The following CACUL1 variants were observed in gnomAD, a reference collection of about 807,000 sequenced individuals.
CACUL1 encodes the protein CDK2-associated and cullin domain-containing protein 1.
CACUL1 carries 13 observed loss-of-function variants against 45.2 expected under a neutral mutation model. The observed-to-expected ratio is 0.29, with a 90% CI of 0.19 to 0.46. The LOEUF is 0.46. Among genes scored for constraint, CACUL1 ranks in the 20% least tolerant of loss-of-function variants. The probability of loss-of-function intolerance (pLI) is 1.00; values close to 1 mark genes in which losing one functional copy is unlikely to be tolerated. For missense variants in CACUL1, 421 were observed against 471.4 expected (o/e 0.89, Z 0.99); for synonymous variants, 197 against 174.2 (o/e 1.13, Z -1.03).
At chr10:118,720,325 A>G (rs1845588213) in intron 3 of CACUL1, among the ~76,000 whole-genome samples, 1 of 152,310 alleles carries the variant, frequency 6.6e-6, no homozygotes, top group African/African-American at 2.4e-5. Flanking sequence ...AAGAAGCCAG[A>G]TACCCTAGGC....
At chr10:118,745,675 T>A (rs1845836880) in intron 1 of CACUL1, among the ~76,000 whole-genome samples, 1 of 152,174 alleles carries the variant, frequency 6.6e-6, no homozygotes, top group Non-Finnish European at 1.5e-5. Flanking sequence ...GTAACTACAT[T>A]AAACACAATG....
intron 7 of CACUL1, among the ~76,000 whole-genome samples, chr10:118,691,016 A>G (rs1208292729): frequency 6.6e-6 from 1 of 152,226 alleles, no homozygotes; most frequent in Non-Finnish European, 1.5e-5. Flanking sequence ...GTGCCACTGC[A>G]TTCCAGCCTA....
chr10:118,679,020 G>C lies in CACUL1; in HGVS notation c.*7108C>G, dbSNP rs1318390766. 6.6e-6 allele frequency: 1 copy of C among 152,020 alleles called. No homozygotes were observed. Among genetic ancestry groups the C allele is most frequent in the Non-Finnish European group, 1.5e-5 (1 of 68,008 alleles). The allele number at this position is 152,020 out of a possible 1,614,324, so 9.4% of individuals were successfully genotyped here. On this transcript the variant is annotated 3_prime_UTR_variant, in exon 9 of 9. Transcript: ENST00000369151. Reference sequence around the variant, plus strand: ...TGTAGTGTGTTCATTTTTCCTTTTTGTAGTTTTCTTTTAACTTTTTAAATA... The same window carrying C: ...TGTAGTGTGTTCATTTTTCCTTTTTCTAGTTTTCTTTTAACTTTTTAAATA...
intron 1 of CACUL1, among the ~76,000 whole-genome samples, chr10:118,736,709 T>A (rs1845743829): frequency 6.6e-6 from 1 of 152,134 alleles, no homozygotes; most frequent in South Asian, 2.1e-4. Flanking sequence ...TAGAGCAATA[T>A]ACAGAAAGGC....
intron 4 of CACUL1, 97 bp downstream of exon 4, chr10:118,707,395 G>C: frequency 1.8e-6 from 1 of 545,110 alleles, no homozygotes; most frequent in Non-Finnish European, 3.2e-6. Flanking sequence ...CACAAATGTA[G>C]TAAAAGAAAA....
rs1218456075 is a variant in CACUL1 at position 118,683,491 on chromosome 10, A to C, written c.*2637T>G. 6.6e-6 allele frequency: 1 copy of C among 151,952 alleles called. No individual in the cohort carries two copies. Among genetic ancestry groups the C allele is most frequent in the Non-Finnish European group, 1.5e-5 (1 of 68,044 alleles). 9.4% of individuals were successfully genotyped at this position (151,952 alleles called of 1,614,324 possible). ...GATCACTTGAGGTCAGGAGTTCAAG[A>C]CCAGCCTGACCAACATGGTGAAACC... On this transcript the variant is annotated 3_prime_UTR_variant, in exon 9 of 9. Transcript: ENST00000369151.
At chr10:118,703,785 TTTATTTCTTAA>T (rs1200391585) in intron 4 of CACUL1, among the ~76,000 whole-genome samples, 1 of 152,200 alleles carries the variant, frequency 6.6e-6, no homozygotes, top group Non-Finnish European at 1.5e-5. Context: ...AAAAAGTTAT[TTTATTTCTTAA>T]ATTGTGATAT....
intron 3 of CACUL1, among the ~76,000 whole-genome samples, chr10:118,721,119 A>T (rs951582854): frequency 6.6e-6 from 1 of 152,264 alleles, no homozygotes; most frequent in East Asian, 1.9e-4. Context: ...TACACTTTGT[A>T]GTACAAGAGA....
intron 1 of CACUL1, among the ~76,000 whole-genome samples, chr10:118,735,428 C>T (rs1430015460): frequency 6.6e-6 from 1 of 152,220 alleles, no homozygotes; most frequent in East Asian, 1.9e-4. Context: ...CACCTGGAAA[C>T]TTGTTGCAAA....
chr10:118,730,196 T>C, intron 2 of CACUL1, 88 bp downstream of exon 2: 5 of 1,343,088 alleles, frequency 3.7e-6, no homozygotes, highest in Non-Finnish European at 5.3e-6. Context: ...TTATGCATTC[T>C]ACATTACATG....
At chr10:118,709,749 T>C (rs1245736482) in intron 3 of CACUL1, among the ~76,000 whole-genome samples, 1 of 152,236 alleles carries the variant, frequency 6.6e-6, no homozygotes, top group African/African-American at 2.4e-5. Context: ...TCCAAATATT[T>C]TGATACTATT....
intron 3 of CACUL1, among the ~76,000 whole-genome samples, chr10:118,727,269 TGTAGTGC>T (rs1389877470): frequency 6.6e-6 from 1 of 151,836 alleles, no homozygotes; most frequent in Non-Finnish European, 1.5e-5. Context: ...GGCATGCACC[TGTAGTGC>T]CAGCAACTGG....
intron 7 of CACUL1, 151 bp downstream of exon 7, chr10:118,691,114 T>C: frequency 1.5e-6 from 1 of 656,270 alleles, no homozygotes. Flanking sequence ...TCAACATTTC[T>C]ACAGACAAGG....
At chr10:118,733,004 G>C (rs1845710756) in intron 1 of CACUL1, among the ~76,000 whole-genome samples, 1 of 152,098 alleles carries the variant, frequency 6.6e-6, no homozygotes, top group African/African-American at 2.4e-5. Flanking sequence ...AAAGAAAACT[G>C]CAAGTAGTAA....
intron 1 of CACUL1, among the ~76,000 whole-genome samples, chr10:118,734,513 G>A (rs1011815715): frequency 6.6e-6 from 1 of 152,196 alleles, no homozygotes; most frequent in Non-Finnish European, 1.5e-5. Flanking sequence ...TAGATTTTCA[G>A]CTTGAAAATA....
intron 1 of CACUL1, among the ~76,000 whole-genome samples, chr10:118,733,618 T>C (rs1845717148): frequency 6.6e-6 from 1 of 152,230 alleles, no homozygotes; most frequent in Non-Finnish European, 1.5e-5. Context: ...ACATATAGCC[T>C]CAGAGTGTGT....
intron 1 of CACUL1, 67 bp downstream of exon 1, chr10:118,754,329 A>T: frequency 7.0e-7 from 1 of 1,433,324 alleles, no homozygotes; most frequent in Non-Finnish European, 9.2e-7. Flanking sequence ...TTTCTCCAAG[A>T]GGGGGTGGAT....
intron 7 of CACUL1, among the ~76,000 whole-genome samples, chr10:118,688,138 C>T (rs1203049585): frequency 1.3e-5 from 2 of 152,160 alleles, no homozygotes; most frequent in Non-Finnish European, 1.5e-5. Flanking sequence ...CTCAACTGAC[C>T]GGCAGAAAGA....
intron 1 of CACUL1, among the ~76,000 whole-genome samples, chr10:118,734,156 A>G (rs1348774781): frequency 6.6e-6 from 1 of 152,232 alleles, no homozygotes; most frequent in Non-Finnish European, 1.5e-5. Context: ...CTATTTAGAC[A>G]ATACTTTTCA....
Sources: gnomAD v4.1 joint callset for allele counts (sites outside exome capture counted in the v4.1 genomes callset) on GRCh38, gnomAD v4.1.1 for gene constraint, MANE v1.5 for transcripts, NCBI Gene and HGNC (gene_info 2026-07-23, HGNC 2026-07-21) for gene names.